The following SLC6A12 variants were observed in gnomAD, a reference collection of about 807,000 sequenced individuals.
SLC6A12 encodes sodium- and chloride-dependent betaine transporter.
A neutral mutation model predicts 73.3 loss-of-function variants in SLC6A12; 50 were observed. That is an observed-to-expected ratio of 0.68 (90% CI 0.54 to 0.86). The LOEUF (loss-of-function observed/expected upper bound fraction) is 0.86. Ranked by LOEUF, SLC6A12 falls within the 40% of genes least tolerant of loss-of-function variation. The probability of loss-of-function intolerance (pLI) is 0.00; values close to 1 mark genes in which losing one functional copy is unlikely to be tolerated. For synonymous variants in SLC6A12, 304 were observed against 309.2 expected (o/e 0.98, Z 0.18); for missense variants, 648 against 772.8 (o/e 0.84, Z 1.92).
In SLC6A12 at chr12:204,848, C is replaced by T. The variant is rs966421407; in HGVS notation, c.215-150G>A. ...CTTTCCAAGGGCCCACTCCTGCCTGCGTGCAGTCCTGAGTGTTAGGCAGGC... is the reference window on the plus strand; with the variant it reads ...CTTTCCAAGGGCCCACTCCTGCCTGTGTGCAGTCCTGAGTGTTAGGCAGGC... On this transcript the variant is annotated intron_variant, in intron 3 of 15. Coordinates refer to ENST00000684302, the MANE Select transcript of SLC6A12 (RefSeq NM_001122848.3). 1.5e-4 allele frequency: 118 copies of T among 793,778 alleles called. 2 individuals carry two copies. In the East Asian group the frequency reaches 2.9e-3, roughly 20 times the overall value. 49.2% of individuals were successfully genotyped at this position (793,778 alleles called of 1,614,324 possible). A position where few individuals can be genotyped will look rare whatever the true frequency, so the allele number is the denominator to read the frequency against.
chr12:187,524 G>A (rs1056412370), downstream of SLC6A12, among the ~76,000 whole-genome samples: 1 of 138,212 alleles, frequency 7.2e-6, no homozygotes, highest in Non-Finnish European at 1.5e-5. Context: ...CCCAATGAGT[G>A]TTACACCTCA....
rs369868267 is a variant in SLC6A12 at position 198,885 on chromosome 12, A to C, written c.758T>G (p.Leu253Trp). Residue 253 changes from leucine to tryptophan, a missense_variant, in exon 8 of 16, where the codon TTG becomes TGG. Coordinates refer to ENST00000684302, the MANE Select transcript of SLC6A12 (RefSeq NM_001122848.3). The surrounding 1 kb of genome is among the most constrained non-coding windows in gnomAD (Gnocchi z 4.0). ...ATFPYLMLVI[L>W]LIRGVTLPGA... ...GGGAAGGGTGACACCTCTGATCAGCAAAATGACAAGCATCAGGTACGGAAA... is the reference window on the plus strand; with the variant it reads ...GGGAAGGGTGACACCTCTGATCAGCCAAATGACAAGCATCAGGTACGGAAA... 2 of 1,614,066 alleles carry C rather than the reference A, an allele frequency of 1.2e-6. No homozygotes were observed. Among genetic ancestry groups the C allele is most frequent in the Non-Finnish European group, 1.7e-6 (2 of 1,180,030 alleles).
At chr12:211,814 A>G (rs1278987875) in intron 2 of SLC6A12, among the ~76,000 whole-genome samples, 3 of 152,228 alleles carry the variant, frequency 2.0e-5, no homozygotes, top group Non-Finnish European at 4.4e-5. Context: ...AATGATAATA[A>G]CAACAGGTTG....
chr12:189,581 C>T (rs1372655176), downstream of SLC6A12, among the ~76,000 whole-genome samples: 1 of 152,160 alleles, frequency 6.6e-6, no homozygotes, highest in Non-Finnish European at 1.5e-5. Context: ...CATCTATATA[C>T]GAATCACCCC....
At chr12:201,467 G>C in intron 6 of SLC6A12, 1 of 372,594 alleles carries the variant, frequency 2.7e-6, no homozygotes, top group South Asian at 3.0e-5. Context: ...CCCTAAAGCT[G>C]TGAAGACTCT....
chr12:205,829 G>C (rs1940606204), intron 3 of SLC6A12, among the ~76,000 whole-genome samples: 1 of 152,166 alleles, frequency 6.6e-6, no homozygotes, highest in Non-Finnish European at 1.5e-5. Flanking sequence ...CTTCATGTCA[G>C]TAAATACATA....
intron 4 of SLC6A12, 83 bp downstream of exon 4, chr12:204,481 G>C (rs140145673): frequency 1.1e-5 from 15 of 1,333,254 alleles, no homozygotes; most frequent in East Asian, 9.2e-5. Flanking sequence ...GTGAAGCAGC[G>C]GATGGGTAGG....
Position 190,964 on chromosome 12 carries a change from G to A in SLC6A12, c.*104C>T, listed in dbSNP as rs1048486445. On this transcript the variant is annotated 3_prime_UTR_variant, in exon 16 of 16. Transcript: ENST00000684302. The stretch of plus-strand genomic sequence containing the variant: ...GCCTGTGGCTCTCCAGAGGTTCCCA[G>A]CAGGATTGTGGCAGGAGACAGAGGC... 3 of 1,041,276 alleles carry A rather than the reference G, an allele frequency of 2.9e-6. No individual in the cohort carries two copies. The highest frequency in any genetic ancestry group is 3.7e-6 in the Non-Finnish European group (3 of 808,022). The allele number at this position is 1,041,276 out of a possible 1,614,324, so 64.5% of individuals were successfully genotyped here.
At chr12:196,943 G>C in intron 10 of SLC6A12, 61 bp from the exon 11 acceptor site, 1 of 1,181,072 alleles carries the variant, frequency 8.5e-7, no homozygotes, top group Non-Finnish European at 1.3e-6. Context: ...TGGGGAAGAG[G>C]CGTCTCTCTA....
downstream of SLC6A12, among the ~76,000 whole-genome samples, chr12:187,589 C>CAACAAAAAA (rs1939453773): frequency 1.9e-5 from 2 of 106,074 alleles, no homozygotes; most frequent in African/African-American, 1.1e-4. Context: ...TGCAAAAGAG[C>CAACAAAAAA]AAAAAAAAAA....
At chr12:188,934 G>C (rs1939495356), downstream of SLC6A12, among the ~76,000 whole-genome samples, 1 of 152,204 alleles carries the variant, frequency 6.6e-6, no homozygotes, top group Non-Finnish European at 1.5e-5. Flanking sequence ...GATGGAGGGA[G>C]GAGCTGTGGA....
At chr12:210,246 G>C (rs1591808147) in intron 2 of SLC6A12, 28 of 1,132,426 alleles carry the variant, frequency 2.5e-5, no homozygotes, top group Middle Eastern at 3.3e-4. Flanking sequence ...CCAGGCCTTG[G>C]CAGATGAAGT....
At chr12:212,631 C>T (rs921850114) in intron 1 of SLC6A12, among the ~76,000 whole-genome samples, 1 of 152,154 alleles carries the variant, frequency 6.6e-6, no homozygotes, top group Non-Finnish European at 1.5e-5. Context: ...ACAGCTGGCC[C>T]CGAGCCGTGG....
At chr12:209,568 C>T (rs1940817136) in intron 3 of SLC6A12, 1 of 602,898 alleles carries the variant, frequency 1.7e-6, no homozygotes, top group Non-Finnish European at 3.0e-6. Flanking sequence ...TTCATCTTCA[C>T]CGTCACCCTG....
chr12:185,542 G>A (rs535420331), downstream of SLC6A12, among the ~76,000 whole-genome samples: 1 of 152,300 alleles, frequency 6.6e-6, no homozygotes, highest in Non-Finnish European at 1.5e-5. Flanking sequence ...GAATGTGACT[G>A]CACCAGAAGT....
intron 9 of SLC6A12, 147 bp from the exon 10 acceptor site, chr12:197,648 G>A: frequency 1.2e-6 from 1 of 846,824 alleles, no homozygotes. Flanking sequence ...AGGAGGGGAG[G>A]AAGGGAAGAG....
At chr12:193,161 C>A in intron 14 of SLC6A12, 116 bp downstream of exon 14, 2 of 750,890 alleles carry the variant, frequency 2.7e-6, no homozygotes, top group South Asian at 3.1e-5. Flanking sequence ...ATGGACCAGG[C>A]CCCACGGGAG....
At chr12:210,526 C>T (rs970304295) in intron 2 of SLC6A12, 1 of 378,388 alleles carries the variant, frequency 2.6e-6, no homozygotes, top group Non-Finnish European at 3.7e-6. Flanking sequence ...CTAAGGTGAT[C>T]GATCAGCTCA....
the SLC6A12 span, among the ~76,000 whole-genome samples, chr12:184,639 A>C: frequency 1.9e-4 from 29 of 152,060 alleles, no homozygotes; most frequent in Non-Finnish European, 2.1e-4. Context: ...AGTCCCAGCT[A>C]CTCGGGAGGC....
Sources: allele counts gnomAD v4.1 joint callset (sites outside exome capture counted in the v4.1 genomes callset), GRCh38; gene constraint gnomAD v4.1.1; non-coding constraint Gnocchi (gnomAD v3.1); transcripts MANE v1.5; gene names NCBI Gene and HGNC (gene_info 2026-07-23, HGNC 2026-07-21).